The following PSG2 variants were observed in gnomAD, a reference collection of about 807,000 sequenced individuals.
The protein encoded by PSG2 is pregnancy-specific beta-1-glycoprotein 2.
A neutral mutation model predicts 36.2 loss-of-function variants in PSG2; 49 were observed. That is an observed-to-expected ratio of 1.35 (90% CI 1.08 to 1.72). The LOEUF (loss-of-function observed/expected upper bound fraction) is 1.72. PSG2 is among the 40% of genes most tolerant of loss of function. PSG2 has a pLI of 0.00. For missense variants in PSG2, 605 were observed against 407.2 expected, an observed-to-expected ratio of 1.49 and a Z score of -4.18; for synonymous variants, 261 against 155.6, an observed-to-expected ratio of 1.68 and a Z score of -5.04.
At chr19:43,081,843 T>G (rs1028979150) in intron 1 of PSG2, 2 of 156,388 alleles carry the variant, frequency 1.3e-5, no homozygotes, top group African/African-American at 4.9e-5. Context: ...TGGTGTTTTT[T>G]TTTTTCTCCC....
At chr19:43,072,423 C>T (rs1967832998) in intron 3 of PSG2, 7 of 1,612,468 alleles carry the variant, frequency 4.3e-6, no homozygotes, top group Non-Finnish European at 5.1e-6. Flanking sequence ...TCATAGGGTC[C>T]TGTTTCATTT....
At chr19:43,069,041 C>T (rs960562243) in intron 4 of PSG2, among the ~76,000 whole-genome samples, 3 of 151,528 alleles carry the variant, frequency 2.0e-5, no homozygotes, top group Non-Finnish European at 2.9e-5. Flanking sequence ...AGCATTCAAA[C>T]GTCAGTTGTA....
At chr19:43,078,190 G>C (rs1433028078) in intron 2 of PSG2, among the ~76,000 whole-genome samples, 2 of 151,758 alleles carry the variant, frequency 1.3e-5, no homozygotes, top group Admixed American at 1.3e-4. Flanking sequence ...GGCTAACCTT[G>C]GGAGGAATTT....
At chr19:43,080,481 AG>A (rs1967955633) in intron 2 of PSG2, among the ~76,000 whole-genome samples, 1 of 151,850 alleles carries the variant, frequency 6.6e-6, no homozygotes, top group Admixed American at 6.6e-5. Context: ...ATTTAGGGAC[AG>A]GGTTTGGAGG....
chr19:43,072,482 AC>A, intron 3 of PSG2: 1 of 1,611,286 alleles, frequency 6.2e-7, no homozygotes, highest in Admixed American at 1.7e-5. Context: ...GGGTCGCTTT[AC>A]CCTGGGACTG....
intron 1 of PSG2, 42 bp downstream of exon 1, chr19:43,082,464 T>C (rs1231496007): frequency 1.2e-5 from 19 of 1,599,760 alleles, no homozygotes; most frequent in Non-Finnish European, 1.5e-5. Context: ...CCAGTCACTC[T>C]TCTTCCTCCT....
intron 2 of PSG2, 129 bp from the exon 3 acceptor site, chr19:43,075,761 G>A (rs1186805485): frequency 6.7e-7 from 1 of 1,495,542 alleles, no homozygotes; most frequent in Admixed American, 2.2e-5. Flanking sequence ...TGGCAGGTGT[G>A]TGTGTTACAA....
chr19:43,082,418 A>C lies in PSG2; in HGVS notation c.64+88T>G, dbSNP rs1006201599. On this transcript the variant is annotated intron_variant, in intron 1 of 5. Coordinates refer to ENST00000406487, the MANE Select transcript of PSG2 (RefSeq NM_031246.4). ...GCCTCCCTAAGTGCTGGCTTCTTTC[A>C]TTTTTTAGAACCCCATCCTCTCCAG... The C allele has an allele frequency of 5.7e-6, 9 of 1,566,380 alleles. No individual in the cohort carries two copies. In the African/African-American group the frequency reaches 8.3e-5, roughly 14 times the overall value.
intron 4 of PSG2, among the ~76,000 whole-genome samples, chr19:43,069,042 G>A (rs117445218): frequency 0.1 from 15,317 of 151,484 alleles, 1,045 homozygotes; most frequent in Admixed American, 0.15. Flanking sequence ...GCATTCAAAC[G>A]TCAGTTGTAT....
intron 3 of PSG2, chr19:43,072,669 T>C (rs1045350050): frequency 3.8e-5 from 61 of 1,603,916 alleles, no homozygotes; most frequent in Admixed American, 1.7e-4. Flanking sequence ...TGTGTGGCAC[T>C]TTTGATTCCT....
chr19:43,070,047 A>G (rs949884209), intron 4 of PSG2, among the ~76,000 whole-genome samples: 7 of 151,744 alleles, frequency 4.6e-5, no homozygotes, highest in African/African-American at 1.7e-4. Context: ...AGTTTTCTCC[A>G]AGGAGGTTAC....
intron 4 of PSG2, among the ~76,000 whole-genome samples, chr19:43,070,113 G>A (rs1455618486): frequency 6.6e-5 from 10 of 151,734 alleles, no homozygotes; most frequent in South Asian, 2.1e-4. Context: ...ACTTAGAGAT[G>A]TGCAAATCAA....
At chr19:43,068,823 A>C (rs1211071769) in intron 4 of PSG2, among the ~76,000 whole-genome samples, 3 of 151,752 alleles carry the variant, frequency 2.0e-5, no homozygotes, top group African/African-American at 7.3e-5. Flanking sequence ...AAGGATGCCC[A>C]CTTTTGACAC....
At chr19:43,065,289 C>T (rs901150105) in intron 5 of PSG2, among the ~76,000 whole-genome samples, 2 of 151,558 alleles carry the variant, frequency 1.3e-5, no homozygotes, top group Admixed American at 1.3e-4. Context: ...TTACTGAGTT[C>T]TTGGTGTAGC....
At chr19:43,073,288 A>C (rs1321113914) in intron 3 of PSG2, among the ~76,000 whole-genome samples, 3 of 151,796 alleles carry the variant, frequency 2.0e-5, no homozygotes, top group African/African-American at 7.3e-5. Context: ...AACAGAGTGC[A>C]AGGAATGATC....
chr19:43,077,506 G>A (rs57008152), intron 2 of PSG2, among the ~76,000 whole-genome samples: 15,252 of 151,730 alleles, frequency 0.1, 1,033 homozygotes, highest in Admixed American at 0.15. Flanking sequence ...GTTTAAGTTT[G>A]TGTGAAATAG....
At chr19:43,071,434 G>T (rs945158244) in intron 4 of PSG2, among the ~76,000 whole-genome samples, 1 of 151,644 alleles carries the variant, frequency 6.6e-6, no homozygotes, top group African/African-American at 2.4e-5. Context: ...CCTCTGTGAA[G>T]CCTCTTCTAC....
intron 2 of PSG2, among the ~76,000 whole-genome samples, chr19:43,080,542 C>G (rs1967956795): frequency 6.6e-6 from 1 of 151,688 alleles, no homozygotes; most frequent in Non-Finnish European, 1.5e-5. Flanking sequence ...GGGGACCCCT[C>G]AGGCCAAGCC....
chr19:43,066,930 G>A (rs528825221), intron 4 of PSG2, among the ~76,000 whole-genome samples: 3 of 151,106 alleles, frequency 2.0e-5, no homozygotes, highest in Non-Finnish European at 2.9e-5. Flanking sequence ...TCTTTTTCTC[G>A]GTGTTTCTGT....
Sources: allele counts gnomAD v4.1 joint callset (sites outside exome capture counted in the v4.1 genomes callset), GRCh38; gene constraint gnomAD v4.1.1; transcripts MANE v1.5; gene names NCBI Gene and HGNC (gene_info 2026-07-23, HGNC 2026-07-21).